CUX1: variants seen among roughly 807,000 people sequenced by gnomAD.
The protein encoded by CUX1 is protein CASP.
In CUX1, 31 loss-of-function variants were observed where a neutral mutation model predicts 158.8. The ratio of observed to expected loss-of-function variants is 0.20; its 90% CI spans 0.15 to 0.26. CUX1 has a LOEUF of 0.26. Ranked by LOEUF, CUX1 falls within the 10% of genes least tolerant of loss-of-function variation. The probability of loss-of-function intolerance (pLI) is 1.00; values close to 1 mark genes in which losing one functional copy is unlikely to be tolerated. For missense variants in CUX1, 1,589 were observed against 2,014.6 expected (o/e 0.79, Z 4.04); for synonymous variants, 879 against 862.1 (o/e 1.02, Z -0.34).
intron 3 of CUX1, among the ~76,000 whole-genome samples, chr7:102,032,820 C>A (rs1820948583): frequency 6.6e-6 from 1 of 152,112 alleles, no homozygotes; most frequent in South Asian, 2.1e-4. Context: ...TTCACAAGCC[C>A]AGCAAATTGA....
At chr7:101,877,193 A>G (rs779268901) in intron 1 of CUX1, among the ~76,000 whole-genome samples, 1 of 152,240 alleles carries the variant, frequency 6.6e-6, no homozygotes, top group Non-Finnish European at 1.5e-5. Flanking sequence ...AGCAAGTAAT[A>G]TAATCTCTTG....
rs782702891 is a variant in CUX1, at chr7:102,273,473, A to T, written c.1363A>T (p.Ile455Phe). ...GCAGGACCTGAGCATCATTCAGTCC[A>T]TCCAGCGGCCCGATGCCGAGGTGAG... Residue 455 changes from isoleucine (I) to phenylalanine (F), a missense_variant, in exon 15 of 23, where the codon ATC (isoleucine) becomes TTC (phenylalanine). Physicochemically the swap from Ile to Phe is conservative, Grantham distance 21. Transcript: ENST00000292538. 3 of 1,612,262 alleles carry T rather than the reference A, an allele frequency of 1.9e-6. No homozygotes were observed. In the East Asian group the frequency reaches 6.7e-5, roughly 36 times the overall value.
chr7:101,880,346 G>T (rs1799586330), intron 1 of CUX1, among the ~76,000 whole-genome samples: 1 of 152,136 alleles, frequency 6.6e-6, no homozygotes, highest in Non-Finnish European at 1.5e-5. Flanking sequence ...TCACAATGAG[G>T]ACGGTGTGCG....
intron 1 of CUX1, among the ~76,000 whole-genome samples, chr7:101,873,747 C>A (rs1040329475): frequency 2.0e-5 from 3 of 152,202 alleles, no homozygotes; most frequent in Non-Finnish European, 4.4e-5. Flanking sequence ...CCACACTCGG[C>A]TAATTTTTTG....
At chr7:102,126,615 CT>C (rs1832669071) in intron 8 of CUX1, among the ~76,000 whole-genome samples, 2 of 152,070 alleles carry the variant, frequency 1.3e-5, no homozygotes, top group Admixed American at 1.3e-4. Context: ...TTAGCCTCGC[CT>C]ATTTTAAGCG....
At chr7:101,851,466 C>G (rs1265152214) in intron 1 of CUX1, among the ~76,000 whole-genome samples, 1 of 152,154 alleles carries the variant, frequency 6.6e-6, no homozygotes, top group Non-Finnish European at 1.5e-5. Context: ...GTTAACCTCT[C>G]ATTTGCTGCG....
chr7:102,068,642 TAAC>T (rs1477480897), intron 3 of CUX1, among the ~76,000 whole-genome samples: 1 of 152,166 alleles, frequency 6.6e-6, no homozygotes, highest in Non-Finnish European at 1.5e-5. Flanking sequence ...TCTCAGCCCT[TAAC>T]AAACTGCCCG....
chr7:101,857,853 T>G (rs905243150), intron 1 of CUX1, among the ~76,000 whole-genome samples: 9 of 152,190 alleles, frequency 5.9e-5, no homozygotes, highest in South Asian at 2.1e-4. Flanking sequence ...CTGGGGGTGG[T>G]GGCTCACGCC....
chr7:102,282,323 C>T (rs1292926699), intron 21 of CUX1, among the ~76,000 whole-genome samples: 3 of 152,126 alleles, frequency 2.0e-5, no homozygotes, highest in Non-Finnish European at 4.4e-5. Context: ...TTCTAGTTAG[C>T]GGATAAGGGC....
chr7:102,142,464 A>C (rs1167485331), intron 8 of CUX1, among the ~76,000 whole-genome samples: 1 of 152,150 alleles, frequency 6.6e-6, no homozygotes, highest in Non-Finnish European at 1.5e-5. Context: ...CAGCCTTTAA[A>C]AGTCTGAAAC....
At chr7:101,875,889 A>G (rs1170304130) in intron 1 of CUX1, among the ~76,000 whole-genome samples, 4 of 152,126 alleles carry the variant, frequency 2.6e-5, no homozygotes, top group Non-Finnish European at 5.9e-5. Flanking sequence ...GCAAAAAATG[A>G]GAGTAAAGAT....
chr7:102,053,319 G>GTC (rs1823750010), intron 3 of CUX1, among the ~76,000 whole-genome samples: 1 of 151,978 alleles, frequency 6.6e-6, no homozygotes, highest in African/African-American at 2.4e-5. Context: ...TTTTTGTGGG[G>GTC]ATGTATATAT....
intron 2 of CUX1, among the ~76,000 whole-genome samples, chr7:102,027,122 T>C (rs7780927): frequency 0.4 from 60,699 of 151,928 alleles, 12,908 homozygotes; most frequent in Non-Finnish European, 0.46. Context: ...TGGTGGCTCA[T>C]GCCTGTAATC....
intron 8 of CUX1, among the ~76,000 whole-genome samples, chr7:102,157,326 TA>T (rs3216523): frequency 0.067 from 9,668 of 144,948 alleles, 350 homozygotes; most frequent in African/African-American, 0.081. Flanking sequence ...TTGGGTATGC[TA>T]AAAAAAAAAA....
intron 22 of CUX1, among the ~76,000 whole-genome samples, chr7:102,238,193 G>A (rs146807237): frequency 0.013 from 1,930 of 152,040 alleles, 18 homozygotes; most frequent in Non-Finnish European, 0.017. Context: ...AAACTCCCCC[G>A]GGGAAAGGGA....
At position 102,273,506 on chromosome 7, in the gene CUX1, C is replaced by T. The variant is rs376105209; in HGVS notation, c.1383+13C>T. ...GCCCGATGCCGAGGTGAGCCCACCC[C>T]CCTGCCCCATGCCCATCTCGATACC... On this transcript the variant is annotated intron_variant, in intron 15 of 22. Transcript: ENST00000292538. 6 of 1,603,402 alleles carry T rather than the reference C, an allele frequency of 3.7e-6. No homozygotes were observed. The African/African-American group carries it at 5.4e-5, about 14-fold the overall frequency.
chr7:102,139,954 C>T (rs1339671301), intron 8 of CUX1, among the ~76,000 whole-genome samples: 2 of 152,148 alleles, frequency 1.3e-5, no homozygotes, highest in Non-Finnish European at 2.9e-5. Flanking sequence ...CAGGTCTAAG[C>T]CACTCTGCTC....
chr7:102,017,351 C>T (rs984177556), intron 2 of CUX1, among the ~76,000 whole-genome samples: 1 of 150,922 alleles, frequency 6.6e-6, no homozygotes, highest in Non-Finnish European at 1.5e-5. Context: ...TTCATTCATT[C>T]AGTCCACAAG....
At chr7:102,260,875 G>A (rs945679980), downstream of CUX1, among the ~76,000 whole-genome samples, 1 of 152,364 alleles carries the variant, frequency 6.6e-6, no homozygotes, top group South Asian at 2.1e-4. Context: ...CTGGGGGCAT[G>A]CTGCTCCTCT....
Sources: allele counts gnomAD v4.1 joint callset (sites outside exome capture counted in the v4.1 genomes callset), GRCh38; gene constraint gnomAD v4.1.1; transcripts MANE v1.5; gene names NCBI Gene and HGNC (gene_info 2026-07-23, HGNC 2026-07-21).